TNIK: variants seen among roughly 807,000 people sequenced by gnomAD.
TNIK encodes the protein TRAF2 and NCK interacting kinase.
Under a neutral mutation model 191.3 loss-of-function variants are expected in TNIK, and 49 were observed. The ratio of observed to expected loss-of-function variants is 0.26; its 90% CI spans 0.20 to 0.32. The LOEUF is 0.32. Ranked by LOEUF, TNIK falls within the 10% of genes least tolerant of loss-of-function variation. The pLI, the probability that TNIK is intolerant of heterozygous loss-of-function variation, is 1.00. For synonymous variants in TNIK, 594 were observed against 600.9 expected, an observed-to-expected ratio of 0.99 and a Z score of 0.17; for missense variants, 1,155 against 1,702.3, an observed-to-expected ratio of 0.68 and a Z score of 5.66.
At chr3:171,189,611 G>A (rs1258135867) in intron 6 of TNIK, among the ~76,000 whole-genome samples, 1 of 152,210 alleles carries the variant, frequency 6.6e-6, no homozygotes, top group African/African-American at 2.4e-5. Context: ...CCTAGGGCTA[G>A]TAGATCAACC....
At chr3:171,244,064 T>G (rs941287116) in intron 2 of TNIK, among the ~76,000 whole-genome samples, 1 of 145,300 alleles carries the variant, frequency 6.9e-6, no homozygotes, top group Admixed American at 6.7e-5. Flanking sequence ...GAAATAGTTT[T>G]TTTTTTTTTT....
At chr3:171,145,003 T>C (rs1222559971) in intron 12 of TNIK, among the ~76,000 whole-genome samples, 1 of 152,176 alleles carries the variant, frequency 6.6e-6, no homozygotes, top group East Asian at 1.9e-4. Context: ...TATTCACGCA[T>C]CCACTGATGG....
chr3:171,115,035 C>CA (rs1411846285), intron 18 of TNIK, among the ~76,000 whole-genome samples: 1 of 151,958 alleles, frequency 6.6e-6, no homozygotes, highest in African/African-American at 2.4e-5. Flanking sequence ...TAAATAATTC[C>CA]AAAAAAACTT....
At chr3:171,259,488 T>G (rs547301034) in intron 2 of TNIK, among the ~76,000 whole-genome samples, 8 of 152,264 alleles carry the variant, frequency 5.3e-5, no homozygotes, top group African/African-American at 1.9e-4. Flanking sequence ...CCTCTAACAC[T>G]AAGCCCTTGA....
chr3:171,196,900 A>G (rs908537173), intron 4 of TNIK, among the ~76,000 whole-genome samples: 3 of 148,764 alleles, frequency 2.0e-5, no homozygotes, highest in African/African-American at 4.9e-5. Flanking sequence ...GACTACAGGC[A>G]CCCGCCATCA....
chr3:171,441,569 G>A (rs1278758108), intron 1 of TNIK, among the ~76,000 whole-genome samples: 2 of 152,106 alleles, frequency 1.3e-5, no homozygotes, highest in Non-Finnish European at 2.9e-5. Context: ...ATAGACATTT[G>A]GGTGGTTTCC....
chr3:171,324,650 A>G (rs536290299), intron 2 of TNIK, among the ~76,000 whole-genome samples: 32 of 152,246 alleles, frequency 2.1e-4, no homozygotes, highest in Non-Finnish European at 4.3e-4. Context: ...CACCAAATAC[A>G]AAAAACCATA....
chr3:171,323,606 C>T (rs1046032141), intron 2 of TNIK, among the ~76,000 whole-genome samples: 6 of 152,104 alleles, frequency 3.9e-5, no homozygotes, highest in African/African-American at 1.4e-4. Flanking sequence ...TACAATTTCG[C>T]GAACCTATGA....
intron 18 of TNIK, among the ~76,000 whole-genome samples, chr3:171,117,059 A>C (rs1048460087): frequency 2.0e-5 from 3 of 152,238 alleles, no homozygotes; most frequent in African/African-American, 7.2e-5. Context: ...ATGTGATGAC[A>C]CTAGTTCTAG....
rs553375421 is a variant in TNIK, at chr3:171,460,238, C to G, written c.-175G>C. 1.0e-5 allele frequency: 8 copies of G among 789,968 alleles called. No homozygotes were observed. In the South Asian group the frequency reaches 1.0e-4, roughly 10 times the overall value. The allele number at this position is 789,968 out of a possible 1,614,324, so 48.9% of individuals were successfully genotyped here. On this transcript the variant is annotated 5_prime_UTR_variant, in exon 1 of 33. Coordinates refer to ENST00000436636, the MANE Select transcript of TNIK (RefSeq NM_015028.4). The surrounding 1 kb of genome is among the most constrained non-coding windows in gnomAD (Gnocchi z 6.8). The stretch of plus-strand genomic sequence containing the variant: ...CGCCGGATCCCGATCCTCCGCGCGT[C>G]GGTCCGCCGGGTCCGGGAGCCCAGC...
chr3:171,075,445 A>C (rs1719770037), intron 28 of TNIK, among the ~76,000 whole-genome samples: 1 of 152,216 alleles, frequency 6.6e-6, no homozygotes, highest in Non-Finnish European at 1.5e-5. Context: ...TTAGAATTCC[A>C]GGGTATCCCT....
intron 1 of TNIK, among the ~76,000 whole-genome samples, chr3:171,378,597 G>A (rs984629746): frequency 2.0e-5 from 3 of 151,908 alleles, no homozygotes; most frequent in African/African-American, 4.8e-5. Flanking sequence ...CCAATACCTC[G>A]ATCATGACTG....
At chr3:171,160,011 G>A (rs917574686) in intron 11 of TNIK, among the ~76,000 whole-genome samples, 4 of 152,248 alleles carry the variant, frequency 2.6e-5, no homozygotes, top group African/African-American at 7.2e-5. Flanking sequence ...TCAGAAGGCT[G>A]ACACAGTAAC....
rs769096452 is a variant in TNIK, at chr3:171,061,271, C to A, written c.*2610G>T. The A allele has an allele frequency of 1.3e-5, 2 of 152,004 alleles. No individual in the cohort carries two copies. The highest frequency in any genetic ancestry group is 2.9e-5 in the Non-Finnish European group (2 of 68,014). The allele number at this position is 152,004 out of a possible 1,614,324, so 9.4% of individuals were successfully genotyped here. Reference sequence around the variant, plus strand: ...TTAAAGAGCACAGATTTCTGGGGGGCCCATTTAAATTTGGATTTGCCTTGT... The same window carrying A: ...TTAAAGAGCACAGATTTCTGGGGGGACCATTTAAATTTGGATTTGCCTTGT... On this transcript the variant is annotated 3_prime_UTR_variant, in exon 33 of 33. Transcript: ENST00000436636.
At chr3:171,157,097 C>T (rs1247269198) in intron 12 of TNIK, among the ~76,000 whole-genome samples, 1 of 152,062 alleles carries the variant, frequency 6.6e-6, no homozygotes, top group Non-Finnish European at 1.5e-5. Context: ...TATATGTAGA[C>T]TATATTTGAA....
chr3:171,403,252 G>A (rs182044111), intron 1 of TNIK, among the ~76,000 whole-genome samples: 2 of 152,314 alleles, frequency 1.3e-5, no homozygotes, highest in African/African-American at 4.8e-5. Flanking sequence ...CACACCTGGG[G>A]AAGAGTGTAG....
At position 171,365,462 on chromosome 3, in the gene TNIK, G is replaced by T. The variant is rs142713200; in HGVS notation, c.123+4158C>A. ...CTCCCAAAGTGCTGGGATTACAGGC[G>T]TGAGCCACCGCGCCCGGCCCAAAAG... On this transcript the variant is annotated intron_variant, in intron 2 of 32. Coordinates refer to ENST00000436636, the MANE Select transcript of TNIK (RefSeq NM_015028.4). 1.1e-4 allele frequency among the ~76,000 whole-genome samples: 17 copies of T among 152,100 alleles called. No homozygotes were observed. In the East Asian group the frequency reaches 3.3e-3, roughly 29 times the overall value.
intron 2 of TNIK, among the ~76,000 whole-genome samples, chr3:171,264,300 A>G (rs1027676209): frequency 4.6e-5 from 7 of 151,844 alleles, no homozygotes. Flanking sequence ...ATCATTGCAT[A>G]TAGACATTGC....
intron 2 of TNIK, among the ~76,000 whole-genome samples, chr3:171,244,131 C>G (rs1745318324): frequency 6.7e-6 from 1 of 149,518 alleles, no homozygotes; most frequent in African/African-American, 2.5e-5. Context: ...GGCGTGCGAT[C>G]TCGGCTCACT....
Sources: gnomAD v4.1 joint callset for allele counts (sites outside exome capture counted in the v4.1 genomes callset) on GRCh38, gnomAD v4.1.1 for gene constraint, Gnocchi (gnomAD v3.1) non-coding constraint, MANE v1.5 for transcripts, NCBI Gene and HGNC (gene_info 2026-07-23, HGNC 2026-07-21) for gene names.